ADAMTS6: variants seen among roughly 807,000 people sequenced by gnomAD.
ADAMTS6 encodes the protein ADAM metallopeptidase with thrombospondin type 1 motif 6.
In ADAMTS6, 23 loss-of-function variants were observed where a neutral mutation model predicts 144.3. That is an observed-to-expected ratio of 0.16 (90% CI 0.11 to 0.23). The LOEUF is 0.23. ADAMTS6 is among the 10% of genes least tolerant of loss of function. ADAMTS6 has a pLI of 1.00. For synonymous variants in ADAMTS6, 444 were observed against 457.5 expected, an observed-to-expected ratio of 0.97 and a Z score of 0.38; for missense variants, 999 against 1,379.6, an observed-to-expected ratio of 0.72 and a Z score of 4.37.
intron 18 of ADAMTS6, among the ~76,000 whole-genome samples, chr5:65,219,874 A>G (rs1489660093): frequency 5.9e-5 from 9 of 152,220 alleles, no homozygotes; most frequent in Non-Finnish European, 1.2e-4. Context: ...AAGTAATCGC[A>G]GCTTTTGCCA....
chr5:65,396,515 A>G (rs545249273), intron 7 of ADAMTS6, among the ~76,000 whole-genome samples: 42 of 152,262 alleles, frequency 2.8e-4, no homozygotes, highest in African/African-American at 9.4e-4. Context: ...CTGTCAAACC[A>G]TCACCTCTTT....
rs192019436 is a variant in ADAMTS6 at position 65,429,893 on chromosome 5, G to C, written c.1073+21582C>G. The stretch of plus-strand genomic sequence containing the variant: ...TACCTCTATCTTTTCTGTTTTATAG[G>C]TAGTATTTTAAGAAAGTAGGCATTC... On this transcript the variant is annotated intron_variant, in intron 7 of 24. Transcript: ENST00000381055. 7.8e-4 allele frequency among the ~76,000 whole-genome samples: 119 copies of C among 152,076 alleles called. 2 individuals carry two copies. Among genetic ancestry groups the C allele is most frequent in the African/African-American group, 2.7e-3 (114 of 41,514 alleles).
chr5:65,405,967 G>A (rs143028828), intron 7 of ADAMTS6, among the ~76,000 whole-genome samples: 3,558 of 152,246 alleles, frequency 0.023, 73 homozygotes, highest in South Asian at 0.034. Context: ...TGGTGTATAA[G>A]AATGCTTGTG....
At chr5:65,427,288 A>C (rs1756615930) in intron 7 of ADAMTS6, among the ~76,000 whole-genome samples, 1 of 151,830 alleles carries the variant, frequency 6.6e-6, no homozygotes, top group Non-Finnish European at 1.5e-5. Flanking sequence ...TCAATCACTT[A>C]ATTTTATTTT....
At chr5:65,404,318 C>T (rs1353993058) in intron 7 of ADAMTS6, among the ~76,000 whole-genome samples, 1 of 152,022 alleles carries the variant, frequency 6.6e-6, no homozygotes, top group Non-Finnish European at 1.5e-5. Flanking sequence ...ATGACAGGCC[C>T]TGGTGTGTTA....
At chr5:65,234,107 A>T (rs1411264635) in intron 15 of ADAMTS6, among the ~76,000 whole-genome samples, 5 of 151,656 alleles carry the variant, frequency 3.3e-5, no homozygotes, top group Admixed American at 1.3e-4. Flanking sequence ...TAAAGAAAGA[A>T]AAAGAAATTG....
chr5:65,424,109 C>T (rs1370549861), intron 7 of ADAMTS6, among the ~76,000 whole-genome samples: 1 of 152,114 alleles, frequency 6.6e-6, no homozygotes, highest in Non-Finnish European at 1.5e-5. Flanking sequence ...CTCCAGGCTG[C>T]GACTACTTTT....
chr5:65,191,769 T>C (rs577207743), intron 21 of ADAMTS6, among the ~76,000 whole-genome samples: 2 of 152,256 alleles, frequency 1.3e-5, no homozygotes, highest in South Asian at 4.1e-4. Context: ...CTGTATGCCC[T>C]AAACATTATA....
chr5:65,344,794 C>T lies in ADAMTS6; in HGVS notation c.1074-10709G>A, dbSNP rs114258890. Among the ~76,000 whole-genome samples the T allele has an allele frequency of 5.2e-3, 794 of 151,896 alleles. 12 individuals are homozygous for T. Among genetic ancestry groups the T allele is most frequent in the African/African-American group, 0.017 (709 of 41,536 alleles). ...ATTCGTCTTATTTTCGTTTCCCAAA[C>T]AAAAATGCTTTGTTCTATTTTATGT... is the stretch of plus-strand genomic sequence containing the variant. On this transcript the variant is annotated intron_variant, in intron 7 of 24. Coordinates refer to ENST00000381055, the MANE Select transcript of ADAMTS6 (RefSeq NM_197941.4).
At chr5:65,194,809 T>C (rs750603563) in intron 21 of ADAMTS6, among the ~76,000 whole-genome samples, 15 of 152,160 alleles carry the variant, frequency 9.9e-5, no homozygotes, top group Admixed American at 2.0e-4. Flanking sequence ...GTAAGTAACT[T>C]CACTTCAGAA....
chr5:65,325,165 C>T (rs2112900215), intron 9 of ADAMTS6, among the ~76,000 whole-genome samples: 2 of 152,202 alleles, frequency 1.3e-5, no homozygotes, highest in South Asian at 4.1e-4. Context: ...TAGAAATTAA[C>T]TGTAAAGGGG....
At chr5:65,434,371 C>A (rs1428267346) in intron 7 of ADAMTS6, among the ~76,000 whole-genome samples, 2 of 152,070 alleles carry the variant, frequency 1.3e-5, no homozygotes, top group Non-Finnish European at 2.9e-5. Flanking sequence ...GGATTATATT[C>A]AACTAAAAAC....
rs149281689 is a variant in ADAMTS6, at chr5:65,353,111, C to T, written c.1074-19026G>A. Among the ~76,000 whole-genome samples, 319 of 152,006 alleles carry T rather than the reference C, an allele frequency of 2.1e-3. 1 individual carries two copies. Among genetic ancestry groups the T allele is most frequent in the African/African-American group, 7.4e-3 (306 of 41,498 alleles). ...TCCATAATTAATGCTATAATAATAA[C>T]AGGCTTAACATTATGTTGTTATCTA... On this transcript the variant is annotated intron_variant, in intron 7 of 24. Transcript: ENST00000381055.
rs1752088699 is a variant in ADAMTS6, at chr5:65,150,384, G to A, written c.*1452C>T. 6.6e-6 allele frequency: 1 copy of A among 152,590 alleles called. No individual in the cohort carries two copies. The highest frequency in any genetic ancestry group is 1.5e-5 in the Non-Finnish European group (1 of 68,028). 9.5% of individuals were successfully genotyped at this position (152,590 alleles called of 1,614,324 possible). On this transcript the variant is annotated 3_prime_UTR_variant, in exon 25 of 25. Coordinates refer to ENST00000381055, the MANE Select transcript of ADAMTS6 (RefSeq NM_197941.4). The stretch of plus-strand genomic sequence containing the variant: ...AGTACCCTTTTTCATTCTAAGTCTT[G>A]CTGTCGAGTCTTTTGATGACCAGGA...
At chr5:65,256,709 A>T (rs1368352377) in intron 14 of ADAMTS6, among the ~76,000 whole-genome samples, 1 of 152,172 alleles carries the variant, frequency 6.6e-6, no homozygotes, top group Non-Finnish European at 1.5e-5. Context: ...TTCACATTAC[A>T]GTATATAATA....
chr5:65,182,888 A>T (rs1046161601), intron 22 of ADAMTS6, among the ~76,000 whole-genome samples: 1 of 152,334 alleles, frequency 6.6e-6, no homozygotes, highest in African/African-American at 2.4e-5. Context: ...GATTTTCAAG[A>T]CAGTGAATGA....
chr5:65,328,500 G>A (rs1349890723), intron 9 of ADAMTS6, among the ~76,000 whole-genome samples: 5 of 150,670 alleles, frequency 3.3e-5, no homozygotes, highest in East Asian at 3.9e-4. Flanking sequence ...TTTGCTAAAC[G>A]TCAACTGTTT....
intron 7 of ADAMTS6, among the ~76,000 whole-genome samples, chr5:65,443,550 A>G (rs905265505): frequency 7.2e-6 from 1 of 139,720 alleles, no homozygotes; most frequent in African/African-American, 2.7e-5. Flanking sequence ...TGAGCCTGGG[A>G]GGCAGGGGTT....
chr5:65,283,002 T>C (rs1763105326), intron 11 of ADAMTS6, among the ~76,000 whole-genome samples: 2 of 152,158 alleles, frequency 1.3e-5, no homozygotes, highest in African/African-American at 4.8e-5. Flanking sequence ...TGGGAAACTC[T>C]AAATTCTAGG....
Sources: allele counts gnomAD v4.1 joint callset (sites outside exome capture counted in the v4.1 genomes callset), GRCh38; gene constraint gnomAD v4.1.1; transcripts MANE v1.5; gene names NCBI Gene and HGNC (gene_info 2026-07-23, HGNC 2026-07-21).